CDK2AP1: variants seen among roughly 807,000 people sequenced by gnomAD.
The protein encoded by CDK2AP1 is cyclin dependent kinase 2 associated protein 1.
A neutral mutation model predicts 14.1 loss-of-function variants in CDK2AP1; 10 were observed. The observed-to-expected ratio is 0.71, with a 90% CI of 0.44 to 1.20. CDK2AP1 has a LOEUF of 1.20. Ranked by LOEUF, CDK2AP1 falls within the 50% of genes most tolerant of loss-of-function variation. CDK2AP1 has a pLI of 0.00. For missense variants in CDK2AP1, 102 were observed against 149.9 expected (o/e 0.68, Z 1.67); for synonymous variants, 59 against 59.8 (o/e 0.99, Z 0.06).
intron 1 of CDK2AP1, chr12:123,271,111 C>G (rs1195490721): frequency 2.6e-6 from 2 of 775,630 alleles, no homozygotes; most frequent in African/African-American, 3.8e-5. Context: ...CTGCCCGCAG[C>G]GCCCCCCGCC....
intron 1 of CDK2AP1, chr12:123,270,305 G>T: frequency 2.9e-6 from 1 of 347,314 alleles, no homozygotes; most frequent in Non-Finnish European, 4.1e-6. Context: ...CTCTCCCTCC[G>T]CACCCTGACG....
intron 1 of CDK2AP1, among the ~76,000 whole-genome samples, chr12:123,269,551 C>T (rs1193228514): frequency 1.3e-5 from 2 of 152,232 alleles, no homozygotes; most frequent in African/African-American, 4.8e-5. Flanking sequence ...GCGCAGTGTG[C>T]AGGAGCGAGG....
chr12:123,264,084 A>C (rs2138812485), intron 3 of CDK2AP1, among the ~76,000 whole-genome samples: 1 of 145,358 alleles, frequency 6.9e-6, no homozygotes, highest in African/African-American at 2.6e-5. Flanking sequence ...ACTCCAGCCC[A>C]GGTGACAGAG....
intron 1 of CDK2AP1, chr12:123,271,119 G>A (rs1418163635): frequency 1.1e-5 from 8 of 724,674 alleles, no homozygotes; most frequent in African/African-American, 2.0e-5. Context: ...AGCGCCCCCC[G>A]CCCGGGCTGC....
intron 3 of CDK2AP1, among the ~76,000 whole-genome samples, chr12:123,263,473 A>T (rs1454381924): frequency 2.0e-5 from 3 of 152,094 alleles, no homozygotes; most frequent in Non-Finnish European, 4.4e-5. Flanking sequence ...GTGACTGCAA[A>T]TTACCTGTTG....
In CDK2AP1 at chr12:123,265,119, A is replaced by C; in HGVS notation, c.280+77T>G. ...AGCCTCATCCCTAGCCCACCTTCCCACATTTTCCCCAAAAGTCTTTCCAGA... is the reference window on the plus strand; with the variant it reads ...AGCCTCATCCCTAGCCCACCTTCCCCCATTTTCCCCAAAAGTCTTTCCAGA... On this transcript the variant is annotated intron_variant, in intron 3 of 3. Coordinates refer to ENST00000261692, the MANE Select transcript of CDK2AP1 (RefSeq NM_004642.4). This position sits in a 1 kb window ranked among gnomAD's most constrained non-coding sequence, Gnocchi z 5.3. The C allele has an allele frequency of 6.3e-7, 1 of 1,588,984 alleles. No individual in the cohort carries two copies. The highest frequency in any genetic ancestry group is 1.7e-5 in the Admixed American group (1 of 59,424).
intron 1 of CDK2AP1, chr12:123,270,833 G>A: frequency 1.0e-6 from 1 of 985,142 alleles, no homozygotes. Flanking sequence ...CCACGCCCGC[G>A]CGCGGGCCCC....
intron 2 of CDK2AP1, 136 bp downstream of exon 2, chr12:123,267,049 G>A: frequency 1.5e-6 from 1 of 675,074 alleles, no homozygotes; most frequent in Non-Finnish European, 2.7e-6. Flanking sequence ...CAGGAGCGCA[G>A]CCAGGGCCTT....
chr12:123,265,475 C>A lies in CDK2AP1; in HGVS notation c.154-153G>T, dbSNP rs1472964101. Among the ~76,000 whole-genome samples, 2 of 149,836 alleles carry A rather than the reference C, an allele frequency of 1.3e-5. No individual in the cohort carries two copies. The highest frequency in any genetic ancestry group is 4.9e-5 in the African/African-American group (2 of 40,860). On this transcript the variant is annotated intron_variant, in intron 2 of 3. Transcript: ENST00000261692. This position sits in a 1 kb window ranked among gnomAD's most constrained non-coding sequence, Gnocchi z 5.3. Reference sequence around the variant, plus strand: ...CCAAGATCACTCCACTGCACTCCAGCCTGGGCAACAGAGCGAGACTCCATC... The same window carrying A: ...CCAAGATCACTCCACTGCACTCCAGACTGGGCAACAGAGCGAGACTCCATC...
Position 123,271,597 on chromosome 12 carries a change from C to T in CDK2AP1, c.22G>A (p.Ala8Thr). ...AGGGCGGCGGCGGGCATGTGCGCGG[C>T]CAAGTTCGGTTTGTAAGACATCCCC... Reference protein sequence around the residue: MSYKPNLAAHMPAAALNA... With the variant: MSYKPNLTAHMPAAALNA... The change falls in exon 1 of 4, where the codon GCC (alanine) becomes ACC (threonine). Residue 8 changes from alanine (A) to threonine (T), a missense_variant. Ala to Thr is a moderately conservative substitution (Grantham distance 58). Transcript: ENST00000261692. 1 of 1,007,940 alleles carries T rather than the reference C, an allele frequency of 9.9e-7. No homozygotes were observed. The highest frequency in any genetic ancestry group is 1.2e-6 in the Non-Finnish European group (1 of 845,126). The allele number at this position is 1,007,940 out of a possible 1,614,324, so 62.4% of individuals were successfully genotyped here.
chr12:123,270,843 C>G lies in CDK2AP1; in HGVS notation c.55+721G>C, dbSNP rs1036370231. ...TGCCCCCACGCCCGCGCGCGGGCCC[C>G]AGCAGCCCCAGAGCTGCGCCAACTT... On this transcript the variant is annotated intron_variant, in intron 1 of 3. Transcript: ENST00000261692. 9 of 984,988 alleles carry G rather than the reference C, an allele frequency of 9.1e-6. No individual in the cohort carries two copies. In the African/African-American group the frequency reaches 1.6e-4, roughly 17 times the overall value. 61.0% of individuals were successfully genotyped at this position (984,988 alleles called of 1,614,324 possible). A position where few individuals can be genotyped will look rare whatever the true frequency, so the allele number is the denominator to read the frequency against.
intron 2 of CDK2AP1, among the ~76,000 whole-genome samples, chr12:123,266,015 C>A (rs545018015): frequency 6.6e-6 from 1 of 152,290 alleles, no homozygotes; most frequent in Admixed American, 6.5e-5. Context: ...CCACTGGGAG[C>A]CCCACAGCAA....
Position 123,265,185 on chromosome 12 carries a change from G to A in CDK2AP1, c.280+11C>T. On this transcript the variant is annotated intron_variant, in intron 3 of 3. Transcript: ENST00000261692. The surrounding 1 kb of genome is among the most constrained non-coding windows in gnomAD (Gnocchi z 5.3). ...CTGTGGTCACCGACAGGGCAGCGGG[G>A]CCGGGCTTACCGCGCTTCAGCCTCT... The A allele has an allele frequency of 6.2e-7, 1 of 1,614,112 alleles. No individual in the cohort carries two copies. The highest frequency in any genetic ancestry group is 8.5e-7 in the Non-Finnish European group (1 of 1,180,010).
chr12:123,261,641 C>G lies in CDK2AP1; in HGVS notation c.*95G>C. ...ATGGGAGGAAAAACGAAACTGTAAC[C>G]ATTTTGAAAACAAGGGTTTCATCTG... On this transcript the variant is annotated 3_prime_UTR_variant, in exon 4 of 4. Coordinates refer to ENST00000261692, the MANE Select transcript of CDK2AP1 (RefSeq NM_004642.4). The G allele has an allele frequency of 9.6e-7, 1 of 1,037,590 alleles. No individual in the cohort carries two copies. The highest frequency in any genetic ancestry group is 1.5e-6 in the Non-Finnish European group (1 of 667,676). 64.3% of individuals were successfully genotyped at this position (1,037,590 alleles called of 1,614,324 possible).
chr12:123,266,407 G>A (rs958777760), intron 2 of CDK2AP1, among the ~76,000 whole-genome samples: 4 of 152,272 alleles, frequency 2.6e-5, no homozygotes, highest in Non-Finnish European at 5.9e-5. Context: ...CTGGGGCAGG[G>A]CAGCCTGGTG....
At chr12:123,262,839 C>CT (rs1162139021) in intron 3 of CDK2AP1, among the ~76,000 whole-genome samples, 1 of 152,148 alleles carries the variant, frequency 6.6e-6, no homozygotes, top group African/African-American at 2.4e-5. Flanking sequence ...CACACCTGGA[C>CT]CCACAAACCT....
intron 3 of CDK2AP1, among the ~76,000 whole-genome samples, chr12:123,263,669 C>T (rs61231969): frequency 6.6e-6 from 1 of 152,132 alleles, no homozygotes; most frequent in African/African-American, 2.4e-5. Context: ...CTTTGAGACC[C>T]GTCAACCTCT....
At position 123,265,057 on chromosome 12, in the gene CDK2AP1, C is replaced by G. The variant is rs1183449300; in HGVS notation, c.280+139G>C. ...GCCTGCCTGAGGCCTCCACCACAGA[C>G]GGCAACTCTGTAACAAGACAGGAGC... On this transcript the variant is annotated intron_variant, in intron 3 of 3. Transcript: ENST00000261692. The surrounding 1 kb of genome is among the most constrained non-coding windows in gnomAD (Gnocchi z 5.3). 1 of 1,224,416 alleles carries G rather than the reference C, an allele frequency of 8.2e-7. No individual in the cohort carries two copies. 75.8% of individuals were successfully genotyped at this position (1,224,416 alleles called of 1,614,324 possible).
chr12:123,265,434 T>C lies in CDK2AP1; in HGVS notation c.154-112A>G. 2 of 1,026,378 alleles carry C rather than the reference T, an allele frequency of 1.9e-6. No individual in the cohort carries two copies. The highest frequency in any genetic ancestry group is 2.9e-6 in the Non-Finnish European group (2 of 682,284). 63.6% of individuals were successfully genotyped at this position (1,026,378 alleles called of 1,614,324 possible). A position where few individuals can be genotyped will look rare whatever the true frequency, so the allele number is the denominator to read the frequency against. ...AGGAGAACTGCTTGGACCCAGGAGG[T>C]GGAAGTTGCAGTGAGCCAAGATCAC... is the stretch of plus-strand genomic sequence containing the variant. On this transcript the variant is annotated intron_variant, in intron 2 of 3. Coordinates refer to ENST00000261692, the MANE Select transcript of CDK2AP1 (RefSeq NM_004642.4). This position sits in a 1 kb window ranked among gnomAD's most constrained non-coding sequence, Gnocchi z 5.3.
Sources: gnomAD v4.1 joint callset for allele counts (sites outside exome capture counted in the v4.1 genomes callset) on GRCh38, gnomAD v4.1.1 for gene constraint, Gnocchi (gnomAD v3.1) non-coding constraint, MANE v1.5 for transcripts, NCBI Gene and HGNC (gene_info 2026-07-23, HGNC 2026-07-21) for gene names.